Variants in SLC3A1 observed in about 807,000 individuals in gnomAD.
The protein encoded by SLC3A1 is amino acid transporter heavy chain SLC3A1.
A neutral mutation model predicts 60.3 loss-of-function variants in SLC3A1; 78 were observed. That is an observed-to-expected ratio of 1.29 (90% CI 1.08 to 1.56). SLC3A1 has a LOEUF of 1.56. SLC3A1 is among the 40% of genes most tolerant of loss of function. The probability of loss-of-function intolerance (pLI) is 0.00; values close to 1 mark genes in which losing one functional copy is unlikely to be tolerated. For missense variants in SLC3A1, 1,172 were observed against 858.9 expected (o/e 1.36, Z -4.56); for synonymous variants, 392 against 307.9 (o/e 1.27, Z -2.86).
intron 7 of SLC3A1, among the ~76,000 whole-genome samples, chr2:44,310,614 A>G (rs190199357): frequency 6.6e-6 from 1 of 152,184 alleles, no homozygotes; most frequent in East Asian, 1.9e-4. Flanking sequence ...GTTTTTAAAA[A>G]TTTTGTCCTA....
At chr2:44,276,974 T>C (rs1457120665) in intron 1 of SLC3A1, among the ~76,000 whole-genome samples, 3 of 152,172 alleles carry the variant, frequency 2.0e-5, no homozygotes, top group African/African-American at 7.2e-5. Flanking sequence ...CAGGATGATA[T>C]GAATGTGGAA....
intron 1 of SLC3A1, among the ~76,000 whole-genome samples, chr2:44,278,434 C>T (rs1572788408): frequency 6.6e-6 from 1 of 151,092 alleles, no homozygotes; most frequent in Non-Finnish European, 1.5e-5. Flanking sequence ...GGCGACAGAG[C>T]GAGACTCCAT....
chr2:44,312,991 G>C (rs911877797), intron 8 of SLC3A1, among the ~76,000 whole-genome samples: 1 of 151,918 alleles, frequency 6.6e-6, no homozygotes, highest in African/African-American at 2.4e-5. Context: ...GCATTTTAAA[G>C]ATGTTTTCTA....
At chr2:44,298,149 G>A (rs1001299334) in intron 4 of SLC3A1, among the ~76,000 whole-genome samples, 45 of 151,942 alleles carry the variant, frequency 3.0e-4, no homozygotes, top group African/African-American at 1.0e-3. Flanking sequence ...TTGAGGAAAT[G>A]CCATACTATA....
intron 4 of SLC3A1, among the ~76,000 whole-genome samples, chr2:44,297,615 G>A (rs1671886618): frequency 6.6e-6 from 1 of 152,128 alleles, no homozygotes; most frequent in African/African-American, 2.4e-5. Flanking sequence ...GTCCCCAACT[G>A]TTCTGTAGAC....
intron 1 of SLC3A1, among the ~76,000 whole-genome samples, chr2:44,278,745 A>G (rs1671407850): frequency 6.6e-6 from 1 of 151,994 alleles, no homozygotes; most frequent in African/African-American, 2.4e-5. Flanking sequence ...ACAAAGTTTC[A>G]TTTCCACATG....
At chr2:44,277,749 C>T (rs566174857) in intron 1 of SLC3A1, among the ~76,000 whole-genome samples, 3 of 152,320 alleles carry the variant, frequency 2.0e-5, no homozygotes, top group South Asian at 4.1e-4. Context: ...TAATAATCTC[C>T]TTCTGGATAG....
chr2:44,302,447 G>C (rs1473942798), intron 6 of SLC3A1, among the ~76,000 whole-genome samples: 2 of 152,150 alleles, frequency 1.3e-5, no homozygotes, highest in African/African-American at 4.8e-5. Context: ...CCTTAAAGTA[G>C]GTACTCCGAT....
chr2:44,315,054 C>G (rs552644604), intron 9 of SLC3A1: 1 of 149,734 alleles, frequency 6.7e-6, no homozygotes, highest in Non-Finnish European at 1.5e-5. Context: ...ACCTTGGCCT[C>G]CCAAGTATCT....
chr2:44,288,169 G>A (rs1671660152), intron 4 of SLC3A1, among the ~76,000 whole-genome samples: 2 of 151,964 alleles, frequency 1.3e-5, no homozygotes, highest in Admixed American at 1.3e-4. Flanking sequence ...TGGGACTACA[G>A]GCATGTACCA....
At chr2:44,299,164 G>C (rs1050815297) in intron 4 of SLC3A1, among the ~76,000 whole-genome samples, 2 of 150,538 alleles carry the variant, frequency 1.3e-5, no homozygotes, top group Admixed American at 6.6e-5. Flanking sequence ...TCGGCCTCCC[G>C]AGTAGCTGGG....
chr2:44,281,643 G>T, intron 3 of SLC3A1, 102 bp downstream of exon 3: 1 of 1,126,580 alleles, frequency 8.9e-7, no homozygotes, highest in Non-Finnish European at 1.3e-6. Flanking sequence ...AATGAATATA[G>T]TTTATCGGAA....
intron 4 of SLC3A1, among the ~76,000 whole-genome samples, chr2:44,294,803 C>G (rs1671814086): frequency 6.6e-6 from 1 of 152,136 alleles, no homozygotes; most frequent in African/African-American, 2.4e-5. Flanking sequence ...AGTAGAGAAC[C>G]AGTTTCCTCT....
chr2:44,279,511 C>G (rs957975239), intron 1 of SLC3A1, among the ~76,000 whole-genome samples: 2 of 152,096 alleles, frequency 1.3e-5, no homozygotes, highest in African/African-American at 4.8e-5. Context: ...TTCCTTAGCT[C>G]TTCAGTCTGA....
At chr2:44,291,760 G>C (rs1209332173) in intron 4 of SLC3A1, among the ~76,000 whole-genome samples, 1 of 152,106 alleles carries the variant, frequency 6.6e-6, no homozygotes, top group African/African-American at 2.4e-5. Flanking sequence ...ATACCAACTT[G>C]TACTCCTGGA....
In SLC3A1 at chr2:44,275,593, A is replaced by G. The variant is rs775059188; in HGVS notation, c.58A>G (p.Thr20Ala). 29 of 1,614,076 alleles carry G rather than the reference A, an allele frequency of 1.8e-5. No homozygotes were observed. Among genetic ancestry groups the G allele is most frequent in the Non-Finnish European group, 2.4e-5 (28 of 1,180,040 alleles). Residue 20 changes from threonine (T) to alanine (A), a missense_variant, in exon 1 of 10, where the codon ACA (threonine) becomes GCA (alanine). Physicochemically the swap from Thr to Ala is moderately conservative, Grantham distance 58 (BLOSUM62 0). Coordinates refer to ENST00000260649, the MANE Select transcript of SLC3A1 (RefSeq NM_000341.4). ...CGAGATGAGTATGAAGGGATGCCAG[A>G]CAAACAACGGGTTTGTCCATAATGA... Reference protein sequence around the residue: ...SIEMSMKGCQTNNGFVHNEDI... With the variant: ...SIEMSMKGCQANNGFVHNEDI...
chr2:44,280,798 A>C lies in SLC3A1; in HGVS notation c.513A>C (p.Lys171Asn). The C allele has an allele frequency of 6.2e-7, 1 of 1,613,202 alleles. No individual in the cohort carries two copies. The highest frequency in any genetic ancestry group is 2.2e-5 in the East Asian group (1 of 44,862). The change falls in exon 2 of 10, where the codon AAA (lysine) becomes AAC (asparagine). Residue 171 changes from lysine to asparagine, a missense_variant. Physicochemically the swap from Lys to Asn is moderately conservative, Grantham distance 94. Transcript: ENST00000260649. ...WITSFYKSSL[K>N]DFRYGVEDFR... ...CTTCATTTTATAAATCGTCCCTTAA[A>C]GATTTCAGATATGGTGTTGAAGATT...
At chr2:44,305,744 A>G (rs1572809520) in intron 7 of SLC3A1, among the ~76,000 whole-genome samples, 1 of 151,834 alleles carries the variant, frequency 6.6e-6, no homozygotes, top group Non-Finnish European at 1.5e-5. Context: ...TTTCTTTAAT[A>G]TATTATAAAT....
At chr2:44,321,934 T>C (rs746895439), downstream of SLC3A1, 20 of 1,589,292 alleles carry the variant, frequency 1.3e-5, no homozygotes, top group African/African-American at 1.1e-4. Context: ...AATTAGAAGA[T>C]TGTATGGGAT....
Sources: allele counts gnomAD v4.1 joint callset (sites outside exome capture counted in the v4.1 genomes callset), GRCh38; gene constraint gnomAD v4.1.1; transcripts MANE v1.5; gene names NCBI Gene and HGNC (gene_info 2026-07-23, HGNC 2026-07-21).